Variants in MAD1L1 observed in about 807,000 individuals in gnomAD.
MAD1L1 encodes mitotic spindle assembly checkpoint protein MAD1.
In MAD1L1, 95 loss-of-function variants were observed where a neutral mutation model predicts 96.9. That is an observed-to-expected ratio of 0.98 (90% CI 0.83 to 1.16). The LOEUF (loss-of-function observed/expected upper bound fraction) is 1.16. Among genes scored for constraint, MAD1L1 ranks in the 50% most tolerant of loss-of-function variants. The pLI, the probability that MAD1L1 is intolerant of heterozygous loss-of-function variation, is 0.00. For synonymous variants in MAD1L1, 473 were observed against 396.6 expected (o/e 1.19, Z -2.29); for missense variants, 1,007 against 954.4 (o/e 1.06, Z -0.73).
chr7:2,214,048 A>G (rs1793128044), intron 9 of MAD1L1, among the ~76,000 whole-genome samples: 1 of 152,236 alleles, frequency 6.6e-6, no homozygotes, highest in African/African-American at 2.4e-5. Context: ...TAGTAACTAT[A>G]TGACAGCCAA....
At chr7:1,903,337 T>A (rs1256845423) in intron 17 of MAD1L1, among the ~76,000 whole-genome samples, 6 of 150,100 alleles carry the variant, frequency 4.0e-5, no homozygotes, top group African/African-American at 7.4e-5. Context: ...CGGAAGACAC[T>A]CTTGCGGAAC....
intron 11 of MAD1L1, among the ~76,000 whole-genome samples, chr7:2,133,329 C>T (rs535352946): frequency 2.0e-5 from 3 of 152,150 alleles, no homozygotes; most frequent in Admixed American, 6.5e-5. Flanking sequence ...CGTGCTTCTC[C>T]GTCACCCGCG....
intron 11 of MAD1L1, among the ~76,000 whole-genome samples, chr7:2,109,047 CCCCGCA>C (rs1460903843): frequency 6.6e-6 from 1 of 152,260 alleles, no homozygotes; most frequent in Non-Finnish European, 1.5e-5. Flanking sequence ...CACACAGCCT[CCCCGCA>C]CCCGCTCTGC....
chr7:2,032,707 T>C (rs548511787), intron 12 of MAD1L1, among the ~76,000 whole-genome samples: 12 of 152,142 alleles, frequency 7.9e-5, no homozygotes, highest in Non-Finnish European at 1.0e-4. Flanking sequence ...TTCTGGCATT[T>C]TGAATTCGCG....
At chr7:2,117,732 C>G (rs1319212245) in intron 11 of MAD1L1, among the ~76,000 whole-genome samples, 1 of 152,118 alleles carries the variant, frequency 6.6e-6, no homozygotes, top group African/African-American at 2.4e-5. Context: ...AACCTTTTTC[C>G]TTTATAAATC....
In MAD1L1 at chr7:1,990,450, G is replaced by A. The variant is rs572399644; in HGVS notation, c.1417-9909C>T. 6.6e-5 allele frequency among the ~76,000 whole-genome samples: 10 copies of A among 152,344 alleles called. 1 individual carries two copies. The South Asian group carries it at 1.9e-3, about 28-fold the overall frequency. On this transcript the variant is annotated intron_variant, in intron 14 of 18. Transcript: ENST00000265854. The stretch of plus-strand genomic sequence containing the variant: ...AGTCCACTCTCCAGCTTCCTTTCCA[G>A]CCTGGAGGAGACACAGGCGCTGTGG...
intron 12 of MAD1L1, among the ~76,000 whole-genome samples, chr7:2,055,556 G>T (rs1049862696): frequency 4.0e-5 from 6 of 151,862 alleles, no homozygotes; most frequent in African/African-American, 1.5e-4. Flanking sequence ...TGAAGTCCCA[G>T]CTACTCGGGA....
At chr7:2,160,463 G>A (rs1790050940) in intron 10 of MAD1L1, among the ~76,000 whole-genome samples, 1 of 151,112 alleles carries the variant, frequency 6.6e-6, no homozygotes, top group Non-Finnish European at 1.5e-5. Flanking sequence ...CTCCCGAGGG[G>A]CTGGGACTAC....
At chr7:1,879,338 C>T (rs572076025) in intron 18 of MAD1L1, among the ~76,000 whole-genome samples, 1 of 152,050 alleles carries the variant, frequency 6.6e-6, no homozygotes, top group Admixed American at 6.6e-5. Flanking sequence ...GCCTGTAATC[C>T]TAGCTACTCA....
chr7:2,107,333 A>C (rs1323698213), intron 11 of MAD1L1: 1 of 151,812 alleles, frequency 6.6e-6, no homozygotes, highest in African/African-American at 2.4e-5. Flanking sequence ...GCCCTCGAGG[A>C]TTATGTGGTC....
chr7:1,868,473 T>TCCCG (rs1583601021), intron 18 of MAD1L1, among the ~76,000 whole-genome samples: 1 of 130,238 alleles, frequency 7.7e-6, no homozygotes, highest in Non-Finnish European at 1.7e-5. Context: ...CAGCGAGGCC[T>TCCCG]CCCACCCACC....
intron 17 of MAD1L1, among the ~76,000 whole-genome samples, chr7:1,913,885 T>C (rs6950151): frequency 0.45 from 68,754 of 151,890 alleles, 15,791 homozygotes; most frequent in Admixed American, 0.55. Flanking sequence ...GACTCAGTCA[T>C]GCCCCCTCAC....
intron 10 of MAD1L1, among the ~76,000 whole-genome samples, chr7:2,207,546 G>GCA (rs1792662657): frequency 6.6e-6 from 1 of 152,212 alleles, no homozygotes; most frequent in Admixed American, 6.5e-5. Context: ...GTTCAGAGCT[G>GCA]CACACACAGA....
At chr7:2,123,260 G>A (rs1256021286) in intron 11 of MAD1L1, among the ~76,000 whole-genome samples, 17 of 146,760 alleles carry the variant, frequency 1.2e-4, no homozygotes, top group Non-Finnish European at 2.1e-4. Context: ...AGCCGAGATC[G>A]GGCCACTGCT....
Position 1,936,857 on chromosome 7 carries a change from C to A in MAD1L1, c.1637G>T (p.Ser546Ile), listed in dbSNP as rs1778640703. The A allele has an allele frequency of 6.2e-7, 1 of 1,606,606 alleles. No homozygotes were observed. Among genetic ancestry groups the A allele is most frequent in the Non-Finnish European group, 8.5e-7 (1 of 1,176,854 alleles). Residue 546 changes from serine to isoleucine, a missense_variant, in exon 17 of 19, where the codon AGC (serine) becomes ATC (isoleucine). Transcript: ENST00000265854. ...CCTGGCCACACTGGTGGGGTTCAGG[C>A]TCATGTGCAGCACTTTGGTCCTGCT... Reference protein sequence around the residue: ...DQSRTKVLHMSLNPTSVARQR... With the variant: ...DQSRTKVLHMILNPTSVARQR...
chr7:2,012,758 C>T (rs1450570528), intron 13 of MAD1L1, among the ~76,000 whole-genome samples: 2 of 152,174 alleles, frequency 1.3e-5, no homozygotes, highest in Admixed American at 6.5e-5. Flanking sequence ...GGCCCTTCGG[C>T]GTGGCCTCCA....
At chr7:1,939,517 ACATGAC>A (rs1778839442) in intron 16 of MAD1L1, among the ~76,000 whole-genome samples, 9 of 147,822 alleles carry the variant, frequency 6.1e-5, no homozygotes, top group Admixed American at 2.7e-4. Flanking sequence ...TCAGGCACAG[ACATGAC>A]CATGGTCATG....
chr7:2,010,758 G>A (rs936843728), intron 13 of MAD1L1, among the ~76,000 whole-genome samples: 2 of 152,176 alleles, frequency 1.3e-5, no homozygotes, highest in African/African-American at 2.4e-5. Flanking sequence ...TCCCGCTGGC[G>A]ACTACCCCGA....
intron 17 of MAD1L1, among the ~76,000 whole-genome samples, chr7:1,931,623 C>T (rs888641392): frequency 1.3e-5 from 2 of 152,164 alleles, no homozygotes; most frequent in African/African-American, 2.4e-5. Context: ...CGAGAGACAG[C>T]GAGGCTTCAG....
Sources: gnomAD v4.1 joint callset for allele counts (sites outside exome capture counted in the v4.1 genomes callset) on GRCh38, gnomAD v4.1.1 for gene constraint, MANE v1.5 for transcripts, NCBI Gene and HGNC (gene_info 2026-07-23, HGNC 2026-07-21) for gene names.